Variants in CHDH observed in about 807,000 individuals in gnomAD.
CHDH encodes the protein choline dehydrogenase.
In CHDH, 43 loss-of-function variants were observed where a neutral mutation model predicts 56.9. The ratio of observed to expected loss-of-function variants is 0.76; its 90% confidence interval spans 0.59 to 0.97. CHDH has a LOEUF of 0.97. Among genes scored for constraint, CHDH ranks in the 50% least tolerant of loss-of-function variants. CHDH has a pLI of 0.00. For synonymous variants in CHDH, 364 were observed against 348.5 expected (o/e 1.04, Z -0.50); for missense variants, 816 against 821.1 (o/e 0.99, Z 0.08).
intron 1 of CHDH, among the ~76,000 whole-genome samples, chr3:53,845,700 C>T (rs773516530): frequency 1.3e-5 from 2 of 152,164 alleles, no homozygotes; most frequent in Non-Finnish European, 2.9e-5. Flanking sequence ...TTAGGCGGCG[C>T]TAGAGATCCC....
intron 2 of CHDH, among the ~76,000 whole-genome samples, chr3:53,831,736 T>C (rs1385109305): frequency 6.6e-6 from 1 of 152,140 alleles, no homozygotes; most frequent in African/African-American, 2.4e-5. Context: ...TGAATAGACA[T>C]TTCTCTAAGA....
chr3:53,819,055 A>G lies in CHDH; in HGVS notation c.1264-15T>C. ...CCCACATGTACCTAGAAGAACACAGAGGAAGCAGTGACGGTCCCTCCATAG... is the reference window on the plus strand; with the variant it reads ...CCCACATGTACCTAGAAGAACACAGGGGAAGCAGTGACGGTCCCTCCATAG... On this transcript the variant is annotated splice_polypyrimidine_tract_variant and intron_variant, in intron 7 of 8. Coordinates refer to ENST00000315251, the MANE Select transcript of CHDH (RefSeq NM_018397.5). The surrounding 1 kb of genome is among the most constrained non-coding windows in gnomAD (Gnocchi z 5.4). The G allele has an allele frequency of 6.4e-7, 1 of 1,573,282 alleles. No homozygotes were observed. Among genetic ancestry groups the G allele is most frequent in the Non-Finnish European group, 8.7e-7 (1 of 1,144,196 alleles).
intron 1 of CHDH, among the ~76,000 whole-genome samples, chr3:53,843,948 G>A (rs1036148871): frequency 6.6e-5 from 10 of 152,332 alleles, no homozygotes; most frequent in Admixed American, 1.3e-4. Flanking sequence ...CCTTCCGGCA[G>A]GCCACCTGGG....
intron 1 of CHDH, among the ~76,000 whole-genome samples, chr3:53,842,377 T>C (rs1398318376): frequency 6.6e-6 from 1 of 152,190 alleles, no homozygotes; most frequent in Non-Finnish European, 1.5e-5. Context: ...GTGCCCAACA[T>C]ACGGCCCAAC....
At chr3:53,828,287 A>C (rs1559756367) in intron 2 of CHDH, among the ~76,000 whole-genome samples, 1 of 152,156 alleles carries the variant, frequency 6.6e-6, no homozygotes, top group Non-Finnish European at 1.5e-5. Context: ...AAAACTATAA[A>C]ACTCCTAGAA....
In CHDH at chr3:53,818,968, G is replaced by T; in HGVS notation, c.1336C>A (p.Pro446Thr). 6.2e-7 allele frequency: 1 copy of T among 1,613,612 alleles called. No homozygotes were observed. The highest frequency in any genetic ancestry group is 8.5e-7 in the Non-Finnish European group (1 of 1,179,506). Residue 446 changes from proline (P) to threonine (T), a missense_variant, in exon 8 of 9, where the codon CCT (proline) becomes ACT (threonine). Coordinates refer to ENST00000315251, the MANE Select transcript of CHDH (RefSeq NM_018397.5). ...KLRSANPQDH[P>T]VIQPNYLSTE... is the part of the protein sequence containing the mutation. ...GACAAGTAGTTGGGCTGGATCACAG[G>T]GTGGTCTTGGGGATTGGCACTTCTC...
chr3:53,820,405 A>G, intron 6 of CHDH, 69 bp downstream of exon 6: 1 of 1,532,730 alleles, frequency 6.5e-7, no homozygotes, highest in East Asian at 2.3e-5. Context: ...ACCCCTGTTC[A>G]GCTCCTCAGG....
chr3:53,838,214 A>G (rs188190393), intron 2 of CHDH, among the ~76,000 whole-genome samples: 4 of 152,232 alleles, frequency 2.6e-5, no homozygotes, highest in African/African-American at 9.6e-5. Flanking sequence ...GTGTCTGTGG[A>G]TCCAGTCTGT....
chr3:53,844,559 T>A, intron 1 of CHDH: 1 of 153,054 alleles, frequency 6.5e-6, no homozygotes, highest in East Asian at 1.9e-4. Context: ...GTCTGACTCA[T>A]GAACCCTGTC....
rs1355089372 is a variant in CHDH at position 53,823,832 on chromosome 3, G to A, written c.177C>T (p.Leu59=). The change falls in exon 3 of 9, where the codon CTC becomes CTT. Residue 59 remains leucine (L), a synonymous_variant. Transcript: ENST00000315251. ...GCACGCGCTCGGCGGGGTCCTCCGT[G>A]AGCCTCCCAGCCAGCACGCAGCCCG... is the stretch of plus-strand genomic sequence containing the variant. ...GSAGCVLAGR[L]TEDPAERVLL... is the part of the protein sequence containing the mutation. 6.3e-7 allele frequency: 1 copy of A among 1,585,734 alleles called. No homozygotes were observed. Among genetic ancestry groups the A allele is most frequent in the Non-Finnish European group, 8.5e-7 (1 of 1,173,332 alleles).
rs1402454744 is a variant in CHDH, at chr3:53,819,726, G to A, written c.1121-52C>T. ...AAGAGCCAGTCAGGCCGTGGCAGGT[G>A]GGCCGGCTGCTCCTGGTTTCCCTCC... On this transcript the variant is annotated intron_variant, in intron 6 of 8. Coordinates refer to ENST00000315251, the MANE Select transcript of CHDH (RefSeq NM_018397.5). This position sits in a 1 kb window ranked among gnomAD's most constrained non-coding sequence, Gnocchi z 5.4. 4.7e-6 allele frequency: 7 copies of A among 1,492,412 alleles called. No individual in the cohort carries two copies. In the South Asian group the frequency reaches 5.4e-5, roughly 12 times the overall value. The allele number at this position is 1,492,412 out of a possible 1,614,324, so 92.4% of individuals were successfully genotyped here.
rs752594415 is a variant in CHDH, at chr3:53,823,473, C to T, written c.536G>A (p.Arg179Gln). 19 of 1,550,058 alleles carry T rather than the reference C, an allele frequency of 1.2e-5. No homozygotes were observed. The highest frequency in any genetic ancestry group is 2.4e-5 in the East Asian group (1 of 41,030). ...KAQGHELGAS[R>Q]YRGADGPLRV... ...CAGCGGGCCATCGGCGCCCCGGTAC[C>T]GGCTGGCGCCCAGCTCGTGGCCCTG... is the stretch of plus-strand genomic sequence containing the variant. Residue 179 changes from arginine to glutamine, a missense_variant, in exon 3 of 9, where the codon CGG becomes CAG. Coordinates refer to ENST00000315251, the MANE Select transcript of CHDH (RefSeq NM_018397.5).
intron 2 of CHDH, among the ~76,000 whole-genome samples, chr3:53,828,792 C>T (rs1698238086): frequency 6.6e-6 from 1 of 152,204 alleles, no homozygotes. Context: ...TCATTCATAG[C>T]TGGTGGGAGT....
intron 2 of CHDH, among the ~76,000 whole-genome samples, chr3:53,833,011 G>C (rs1455764101): frequency 6.6e-6 from 1 of 152,200 alleles, no homozygotes; most frequent in African/African-American, 2.4e-5. Flanking sequence ...AGAAACTTGA[G>C]GGTAGTAGTA....
At chr3:53,844,015 C>T (rs3774617) in intron 1 of CHDH, among the ~76,000 whole-genome samples, 6,472 of 152,298 alleles carry the variant, frequency 0.042, 265 homozygotes, top group East Asian at 0.22. Context: ...GGAAAACCCC[C>T]GAGGGGACAG....
chr3:53,821,910 G>C, intron 4 of CHDH, 134 bp from the exon 5 acceptor site: 5 of 1,159,332 alleles, frequency 4.3e-6, no homozygotes, highest in Non-Finnish European at 6.0e-6. Flanking sequence ...CCCGGGACAG[G>C]CCCCAGAGCT....
rs1000090787 is a variant in CHDH at position 53,815,509 on chromosome 3, T to C, written c.*2268A>G. ...AACCTCATTCCTGTTTATGGCCAAATTGTGCGATTGTGTAGAACATGGCTA... is the reference window on the plus strand; with the variant it reads ...AACCTCATTCCTGTTTATGGCCAAACTGTGCGATTGTGTAGAACATGGCTA... On this transcript the variant is annotated 3_prime_UTR_variant, in exon 9 of 9. Coordinates refer to ENST00000315251, the MANE Select transcript of CHDH (RefSeq NM_018397.5). 2.0e-5 allele frequency: 3 copies of C among 152,250 alleles called. No individual in the cohort carries two copies. Among genetic ancestry groups the C allele is most frequent in the Non-Finnish European group, 2.9e-5 (2 of 68,066 alleles). The allele number at this position is 152,250 out of a possible 1,614,324, so 9.4% of individuals were successfully genotyped here.
Position 53,820,595 on chromosome 3 carries a change from G to T in CHDH, c.999C>A (p.Asn333Lys). ...TGTAGATCTCCAGGTGGTCTTGCAGGTTCTGGCCAACCCCTGATACGGGAA... is the reference window on the plus strand; with the variant it reads ...TGTAGATCTCCAGGTGGTCTTGCAGTTTCTGGCCAACCCCTGATACGGGAA... ...VVCHLPGVGQ[N>K]LQDHLEIYIQ... The change falls in exon 6 of 9, where the codon AAC becomes AAA. Residue 333 changes from asparagine to lysine, a missense_variant. Asn to Lys is a moderately conservative substitution (Grantham distance 94, BLOSUM62 0). Transcript: ENST00000315251. 6.2e-7 allele frequency: 1 copy of T among 1,608,902 alleles called. No homozygotes were observed. The highest frequency in any genetic ancestry group is 8.5e-7 in the Non-Finnish European group (1 of 1,177,796).
At chr3:53,824,844 C>T (rs2095636077) in intron 2 of CHDH, among the ~76,000 whole-genome samples, 1 of 152,214 alleles carries the variant, frequency 6.6e-6, no homozygotes, top group South Asian at 2.1e-4. Flanking sequence ...CCTGAGAACA[C>T]CCCACCCGTG....
Sources: allele counts gnomAD v4.1 joint callset (sites outside exome capture counted in the v4.1 genomes callset), GRCh38; gene constraint gnomAD v4.1.1; non-coding constraint Gnocchi (gnomAD v3.1); transcripts MANE v1.5; gene names NCBI Gene and HGNC (gene_info 2026-07-23, HGNC 2026-07-21).